BMPR1B: variants seen among roughly 807,000 people sequenced by gnomAD.
BMPR1B encodes the protein bone morphogenetic protein receptor type 1B, also known as bone morphogenetic protein receptor type-1B.
Under a neutral mutation model 59.1 loss-of-function variants are expected in BMPR1B, and 12 were observed. That is an observed-to-expected ratio of 0.20 (90% CI 0.13 to 0.33). The LOEUF (loss-of-function observed/expected upper bound fraction) is 0.33, where lower values mean the gene tolerates loss of function less well. Ranked by LOEUF, BMPR1B falls within the 10% of genes least tolerant of loss-of-function variation. The pLI is 1.00. For missense variants in BMPR1B, 550 were observed against 610.9 expected, an observed-to-expected ratio of 0.90 and a Z score of 1.05; for synonymous variants, 237 against 207.3, an observed-to-expected ratio of 1.14 and a Z score of -1.23.
intron 2 of BMPR1B, among the ~76,000 whole-genome samples, chr4:94,962,543 T>G (rs1730412035): frequency 6.6e-6 from 1 of 152,186 alleles, no homozygotes; most frequent in Non-Finnish European, 1.5e-5. Flanking sequence ...GAGATCAGTT[T>G]TTTTTTAGCT....
intron 2 of BMPR1B, among the ~76,000 whole-genome samples, chr4:94,942,386 ATGAC>A (rs1345236984): frequency 6.6e-6 from 1 of 152,164 alleles, no homozygotes; most frequent in African/African-American, 2.4e-5. Flanking sequence ...GTGATCGTAA[ATGAC>A]TGAGAACATG....
chr4:94,965,633 C>A (rs1317283611), intron 2 of BMPR1B, among the ~76,000 whole-genome samples: 3 of 152,160 alleles, frequency 2.0e-5, no homozygotes, highest in African/African-American at 7.2e-5. Context: ...AAAACATAGA[C>A]AATTAATAAC....
At chr4:94,920,686 C>T (rs1218969754) in intron 2 of BMPR1B, among the ~76,000 whole-genome samples, 1 of 152,182 alleles carries the variant, frequency 6.6e-6, no homozygotes, top group Non-Finnish European at 1.5e-5. Context: ...ATAAGCAGAA[C>T]CACAAAACAT....
chr4:95,040,055 T>C (rs561529014), intron 3 of BMPR1B, among the ~76,000 whole-genome samples: 173 of 152,344 alleles, frequency 1.1e-3, no homozygotes, highest in African/African-American at 3.8e-3. Context: ...TACTACTAAA[T>C]GTGTAGATCC....
chr4:95,130,250 G>A (rs1191020676), intron 9 of BMPR1B, among the ~76,000 whole-genome samples, 196 bp downstream of exon 9: 4 of 152,190 alleles, frequency 2.6e-5, no homozygotes, highest in African/African-American at 9.6e-5. Flanking sequence ...ACTTCTGTGA[G>A]TAAGTGGTAG....
intron 2 of BMPR1B, among the ~76,000 whole-genome samples, chr4:94,934,453 G>A (rs987927298): frequency 1.7e-5 from 2 of 115,290 alleles, no homozygotes; most frequent in Non-Finnish European, 3.4e-5. Flanking sequence ...CCCAGCTATG[G>A]TTTTTTTTTT....
chr4:95,134,196 A>G (rs1733599427), intron 10 of BMPR1B, among the ~76,000 whole-genome samples: 1 of 152,292 alleles, frequency 6.6e-6, no homozygotes, highest in East Asian at 1.9e-4. Context: ...TACAAAGAAT[A>G]TGAACTCATC....
intron 2 of BMPR1B, among the ~76,000 whole-genome samples, chr4:94,880,634 A>ACTTT: frequency 7.4e-6 from 1 of 134,514 alleles, no homozygotes; most frequent in Admixed American, 7.2e-5. Context: ...CATTAAAATG[A>ACTTT]ATTTTTTTTT....
intron 3 of BMPR1B, among the ~76,000 whole-genome samples, chr4:95,058,328 A>G (rs111644374): frequency 0.034 from 5,245 of 152,266 alleles, 127 homozygotes; most frequent in South Asian, 0.062. Context: ...TGAAAACCTC[A>G]TGAGTACCTG....
In BMPR1B at chr4:94,962,228, C is replaced by G. The variant is rs1239018666; in HGVS notation, c.-112-33812C>G. 3.3e-5 allele frequency among the ~76,000 whole-genome samples: 5 copies of G among 151,806 alleles called. No homozygotes were observed. In the East Asian group the frequency reaches 9.7e-4, roughly 29 times the overall value. The stretch of plus-strand genomic sequence containing the variant: ...TCTTGGCTGACTGAATCCTCCACTT[C>G]CCAGGTTCATGCGATTCTCTTGCCT... On this transcript the variant is annotated intron_variant, in intron 2 of 12. Transcript: ENST00000515059.
chr4:94,803,787 A>G (rs779885314), intron 1 of BMPR1B, among the ~76,000 whole-genome samples: 1 of 152,228 alleles, frequency 6.6e-6, no homozygotes, highest in Non-Finnish European at 1.5e-5. Flanking sequence ...CTTCTAGATA[A>G]ATCTTAATCT....
chr4:95,039,247 T>G (rs1003149255), intron 3 of BMPR1B, among the ~76,000 whole-genome samples: 4 of 152,208 alleles, frequency 2.6e-5, no homozygotes, highest in African/African-American at 4.8e-5. Flanking sequence ...CTTACTTCTC[T>G]TATTTCGTGC....
chr4:94,905,317 T>G (rs1298161347), intron 2 of BMPR1B, among the ~76,000 whole-genome samples: 1 of 152,094 alleles, frequency 6.6e-6, no homozygotes, highest in African/African-American at 2.4e-5. Flanking sequence ...ATCTAGAACA[T>G]GTAGACCTTA....
intron 1 of BMPR1B, among the ~76,000 whole-genome samples, chr4:94,777,302 G>T (rs1722408936): frequency 1.3e-5 from 2 of 151,874 alleles, no homozygotes; most frequent in African/African-American, 4.8e-5. Context: ...AAATTTGAAG[G>T]ACCCCAAAAT....
intron 3 of BMPR1B, among the ~76,000 whole-genome samples, chr4:95,067,376 G>A (rs964284416): frequency 2.0e-5 from 3 of 152,150 alleles, no homozygotes; most frequent in African/African-American, 7.2e-5. Context: ...AGTAACACAT[G>A]ATGTGTTGGC....
intron 1 of BMPR1B, among the ~76,000 whole-genome samples, chr4:94,832,619 C>T (rs1724644966): frequency 6.6e-6 from 1 of 151,918 alleles, no homozygotes; most frequent in Non-Finnish European, 1.5e-5. Context: ...ACCGTCTCTA[C>T]TAAAAATACA....
chr4:94,838,602 G>T (rs1724918374), intron 1 of BMPR1B, among the ~76,000 whole-genome samples: 1 of 140,892 alleles, frequency 7.1e-6, no homozygotes, highest in African/African-American at 2.7e-5. Flanking sequence ...GATCGGTGGT[G>T]ATATCCCCTT....
At chr4:95,088,611 G>A (rs928144657) in intron 3 of BMPR1B, among the ~76,000 whole-genome samples, 1 of 152,068 alleles carries the variant, frequency 6.6e-6, no homozygotes, top group Non-Finnish European at 1.5e-5. Context: ...GCTAGAGAAT[G>A]GGAGCCACTA....
At chr4:95,053,930 T>A (rs1726722789) in intron 3 of BMPR1B, among the ~76,000 whole-genome samples, 1 of 152,160 alleles carries the variant, frequency 6.6e-6, no homozygotes, top group Non-Finnish European at 1.5e-5. Context: ...ACATCTAACA[T>A]CCTTTACAAT....
Sources: gnomAD v4.1 joint callset for allele counts (sites outside exome capture counted in the v4.1 genomes callset) on GRCh38, gnomAD v4.1.1 for gene constraint, MANE v1.5 for transcripts, NCBI Gene and HGNC (gene_info 2026-07-23, HGNC 2026-07-21) for gene names.